PDSS2: variants seen among roughly 807,000 people sequenced by gnomAD.
The protein encoded by PDSS2 is decaprenyl diphosphate synthase subunit 2, also known as all trans-polyprenyl-diphosphate synthase PDSS2.
A neutral mutation model predicts 44.5 loss-of-function variants in PDSS2; 31 were observed. That is an observed-to-expected ratio of 0.70 (90% CI 0.52 to 0.94). PDSS2 has a LOEUF of 0.94. Among genes scored for constraint, PDSS2 ranks in the 40% least tolerant of loss-of-function variants. The pLI is 0.00. For synonymous variants in PDSS2, 157 were observed against 180.3 expected (o/e 0.87, Z 1.03); for missense variants, 452 against 482.2 (o/e 0.94, Z 0.59).
chr6:107,259,878 G>C (rs756120857), intron 3 of PDSS2, among the ~76,000 whole-genome samples: 6 of 152,028 alleles, frequency 3.9e-5, no homozygotes, highest in Non-Finnish European at 7.4e-5. Flanking sequence ...AGCTAAAACT[G>C]TTATTAGTAA....
chr6:107,447,202 G>C (rs1225402879), intron 1 of PDSS2, among the ~76,000 whole-genome samples: 4 of 152,098 alleles, frequency 2.6e-5, no homozygotes, highest in Admixed American at 2.6e-4. Context: ...CAGGCATGGT[G>C]GTGGGCGCCT....
At chr6:107,234,254 G>A (rs978143281) in intron 4 of PDSS2, among the ~76,000 whole-genome samples, 4 of 151,198 alleles carry the variant, frequency 2.6e-5, no homozygotes, top group Admixed American at 2.6e-4. Flanking sequence ...TGCCCAGGCT[G>A]GAGTGCAATG....
At chr6:107,370,597 GA>G (rs1414642722) in intron 1 of PDSS2, among the ~76,000 whole-genome samples, 2 of 152,172 alleles carry the variant, frequency 1.3e-5, no homozygotes, top group Non-Finnish European at 2.9e-5. Flanking sequence ...CAAAGATAAG[GA>G]AGTGCATATT....
intron 2 of PDSS2, among the ~76,000 whole-genome samples, chr6:107,281,452 G>A (rs1775957448): frequency 6.6e-6 from 1 of 152,164 alleles, no homozygotes; most frequent in South Asian, 2.1e-4. Context: ...AATAAAAATT[G>A]TGACAAAAAT....
chr6:107,293,110 C>G (rs1401817919), intron 2 of PDSS2, among the ~76,000 whole-genome samples: 1 of 152,132 alleles, frequency 6.6e-6, no homozygotes, highest in African/African-American at 2.4e-5. Flanking sequence ...CCAATGAAAG[C>G]CCTCCGTACT....
intron 7 of PDSS2, among the ~76,000 whole-genome samples, chr6:107,176,429 TACACAC>T (rs71012784): frequency 0.34 from 50,802 of 149,638 alleles, 8,873 homozygotes; most frequent in East Asian, 0.53. Flanking sequence ...CACACACACA[TACACAC>T]ACACACACAC....
chr6:107,182,169 G>A (rs1439203098), intron 7 of PDSS2, among the ~76,000 whole-genome samples: 5 of 152,080 alleles, frequency 3.3e-5, no homozygotes, highest in Non-Finnish European at 5.9e-5. Flanking sequence ...ATAACATACT[G>A]AAAGAGTTAA....
intron 7 of PDSS2, among the ~76,000 whole-genome samples, chr6:107,155,292 T>C (rs1359459011): frequency 6.6e-6 from 1 of 151,938 alleles, no homozygotes; most frequent in South Asian, 2.1e-4. Context: ...ACTACAGGCA[T>C]GCGCCACCAC....
intron 1 of PDSS2, among the ~76,000 whole-genome samples, chr6:107,453,689 T>TA (rs943275786): frequency 1.3e-5 from 2 of 152,190 alleles, no homozygotes; most frequent in East Asian, 3.8e-4. Context: ...TTAGTTATCC[T>TA]AAAATGTTCT....
intron 4 of PDSS2, among the ~76,000 whole-genome samples, chr6:107,225,503 A>G (rs1051465855): frequency 2.0e-5 from 3 of 151,398 alleles, no homozygotes; most frequent in Admixed American, 6.6e-5. Context: ...CATTGCTTCT[A>G]CTCTATATTA....
rs1296032025 is a variant in PDSS2, at chr6:107,162,623, T to TC, written c.1042-7847_1042-7846insG. Among the ~76,000 whole-genome samples the TC allele has an allele frequency of 4.1e-5, 6 of 146,954 alleles. No homozygotes were observed. In the East Asian group the frequency reaches 9.9e-4, roughly 24 times the overall value. ...AAGAATTCCCTAATTTTTTTTTTTT[T>TC]TTGAGATGGAGTCTCACTCTGCCAC... On this transcript the variant is annotated intron_variant, in intron 7 of 7. Transcript: ENST00000369037.
At chr6:107,395,720 T>C (rs1040244225) in intron 1 of PDSS2, among the ~76,000 whole-genome samples, 1 of 152,216 alleles carries the variant, frequency 6.6e-6, no homozygotes, top group African/African-American at 2.4e-5. Flanking sequence ...GCTGATTCCA[T>C]TATTTCTGTT....
At chr6:107,285,986 G>C (rs577300673) in intron 2 of PDSS2, among the ~76,000 whole-genome samples, 2 of 151,754 alleles carry the variant, frequency 1.3e-5, no homozygotes, top group Admixed American at 6.6e-5. Flanking sequence ...CTAAAAATAC[G>C]AAAATTAGCT....
At chr6:107,345,227 A>G (rs1200933498) in intron 1 of PDSS2, among the ~76,000 whole-genome samples, 1 of 151,644 alleles carries the variant, frequency 6.6e-6, no homozygotes, top group East Asian at 1.9e-4. Context: ...CTTAGTACTC[A>G]GTGCTTTCCT....
At position 107,358,967 on chromosome 6, in the gene PDSS2, T is replaced by C. The variant is rs188134552; in HGVS notation, c.297-24635A>G. Among the ~76,000 whole-genome samples the C allele has an allele frequency of 3.4e-3, 509 of 151,246 alleles. 4 individuals are homozygous for C. Among genetic ancestry groups the C allele is most frequent in the African/African-American group, 0.011 (472 of 41,210 alleles). ...AAACTGTGATACATGCTTAATATCA[T>C]CTAGAGGCAAAGCAAATCAGGAGCT... On this transcript the variant is annotated intron_variant, in intron 1 of 7. Transcript: ENST00000369037.
At chr6:107,216,118 CA>C (rs1773403961) in intron 4 of PDSS2, among the ~76,000 whole-genome samples, 1 of 151,248 alleles carries the variant, frequency 6.6e-6, no homozygotes, top group Non-Finnish European at 1.5e-5. Context: ...GCCTGGGCAA[CA>C]AAGGGAGACC....
rs572602052 is a variant in PDSS2 at position 107,416,977 on chromosome 6, C to T, written c.296+42013G>A. 6.6e-5 allele frequency among the ~76,000 whole-genome samples: 10 copies of T among 152,154 alleles called. No individual in the cohort carries two copies. In the East Asian group the frequency reaches 1.9e-3, roughly 29 times the overall value. The stretch of plus-strand genomic sequence containing the variant: ...GGTGCAGTGACTCACACCTGTATTC[C>T]TAGCACTTTGGGAGGTGGAGGCGGG... On this transcript the variant is annotated intron_variant, in intron 1 of 7. Coordinates refer to ENST00000369037, the MANE Select transcript of PDSS2 (RefSeq NM_020381.4).
In PDSS2 at chr6:107,152,921, T is replaced by C. The variant is rs1014709929; in HGVS notation, c.*1698A>G. Reference sequence around the variant, plus strand: ...AAGCCAATTTCAGTGACAGAAAGCATTTCAAACAGAACAGTGTTCTCTTAA... The same window carrying C: ...AAGCCAATTTCAGTGACAGAAAGCACTTCAAACAGAACAGTGTTCTCTTAA... On this transcript the variant is annotated 3_prime_UTR_variant, in exon 8 of 8. Coordinates refer to ENST00000369037, the MANE Select transcript of PDSS2 (RefSeq NM_020381.4). The C allele has an allele frequency of 3.9e-5, 6 of 152,252 alleles. No homozygotes were observed. Among genetic ancestry groups the C allele is most frequent in the African/African-American group, 1.2e-4 (5 of 41,470 alleles). 9.4% of individuals were successfully genotyped at this position (152,252 alleles called of 1,614,324 possible).
At chr6:107,399,026 T>G (rs561090380) in intron 1 of PDSS2, among the ~76,000 whole-genome samples, 1 of 152,340 alleles carries the variant, frequency 6.6e-6, no homozygotes, top group East Asian at 1.9e-4. Context: ...GGAAGAAATC[T>G]TTTAATCCAC....
Sources: allele counts gnomAD v4.1 joint callset (sites outside exome capture counted in the v4.1 genomes callset), GRCh38; gene constraint gnomAD v4.1.1; transcripts MANE v1.5; gene names NCBI Gene and HGNC (gene_info 2026-07-23, HGNC 2026-07-21).